The following TENM4 variants were observed in gnomAD, a reference collection of about 807,000 sequenced individuals.
The protein encoded by TENM4 is teneurin transmembrane protein 4.
A neutral mutation model predicts 243.3 loss-of-function variants in TENM4; 82 were observed. The ratio of observed to expected loss-of-function variants is 0.34; its 90% CI spans 0.28 to 0.40. The LOEUF (loss-of-function observed/expected upper bound fraction) is 0.40, where lower values mean the gene tolerates loss of function less well. Ranked by LOEUF, TENM4 falls within the 10% of genes least tolerant of loss-of-function variation. The probability of loss-of-function intolerance (pLI) is 1.00; values close to 1 mark genes in which losing one functional copy is unlikely to be tolerated. For missense variants in TENM4, 3,138 were observed against 3,673.3 expected, an observed-to-expected ratio of 0.85 and a Z score of 3.77; for synonymous variants, 1,412 against 1,456.3, an observed-to-expected ratio of 0.97 and a Z score of 0.69.
chr11:78,659,304 C>G (rs1324312895), intron 33 of TENM4, among the ~76,000 whole-genome samples: 1 of 152,164 alleles, frequency 6.6e-6, no homozygotes. Context: ...TAGGTGCTGT[C>G]ATTATTCCAA....
chr11:78,818,974 A>T (rs1401228827), intron 12 of TENM4, among the ~76,000 whole-genome samples: 3 of 152,168 alleles, frequency 2.0e-5, no homozygotes, highest in African/African-American at 7.2e-5. Context: ...AAAAAAAAAA[A>T]AAATACATGA....
intron 1 of TENM4, among the ~76,000 whole-genome samples, chr11:79,310,446 G>T (rs773693662): frequency 1.7e-4 from 26 of 152,322 alleles, no homozygotes; most frequent in Middle Eastern, 3.4e-3. Flanking sequence ...TCCAATAGGT[G>T]CCAGGCTCTA....
intron 1 of TENM4, among the ~76,000 whole-genome samples, chr11:79,355,911 G>A (rs1857489532): frequency 6.6e-6 from 1 of 152,184 alleles, no homozygotes; most frequent in South Asian, 2.1e-4. Flanking sequence ...CAAGATATTA[G>A]AAATGAAAAT....
chr11:79,005,952 T>C (rs1287458036), intron 6 of TENM4, among the ~76,000 whole-genome samples: 1 of 152,176 alleles, frequency 6.6e-6, no homozygotes, highest in Non-Finnish European at 1.5e-5. Context: ...ACACTAACAA[T>C]GCCTAAGCTG....
At chr11:78,989,323 C>T (rs1857987150) in intron 6 of TENM4, among the ~76,000 whole-genome samples, 1 of 152,152 alleles carries the variant, frequency 6.6e-6, no homozygotes, top group African/African-American at 2.4e-5. Flanking sequence ...ATTTTTGGTC[C>T]AGTCCTTCTG....
At chr11:78,792,311 C>T (rs1857073356) in intron 15 of TENM4, among the ~76,000 whole-genome samples, 1 of 152,186 alleles carries the variant, frequency 6.6e-6, no homozygotes. Context: ...CCTAGCATGG[C>T]ATCATCAGCC....
At chr11:79,258,305 T>G (rs1398356889) in intron 2 of TENM4, among the ~76,000 whole-genome samples, 1 of 152,192 alleles carries the variant, frequency 6.6e-6, no homozygotes, top group South Asian at 2.1e-4. Flanking sequence ...AGTGAATTAA[T>G]GCATCTCCAC....
chr11:78,894,275 T>C (rs1337493509), intron 7 of TENM4, among the ~76,000 whole-genome samples: 1 of 152,142 alleles, frequency 6.6e-6, no homozygotes, highest in Non-Finnish European at 1.5e-5. Context: ...GCATGCTCCC[T>C]AGAAGACCTG....
At chr11:79,012,842 C>A (rs1369489272) in intron 6 of TENM4, among the ~76,000 whole-genome samples, 2 of 152,150 alleles carry the variant, frequency 1.3e-5, no homozygotes, top group Non-Finnish European at 2.9e-5. Flanking sequence ...CCAGTGCACT[C>A]CATCTCACAG....
At chr11:78,983,639 A>G (rs1444397771) in intron 6 of TENM4, among the ~76,000 whole-genome samples, 3 of 152,236 alleles carry the variant, frequency 2.0e-5, no homozygotes, top group Non-Finnish European at 4.4e-5. Flanking sequence ...CTTGCCTGGC[A>G]TGTGCCAAGC....
intron 6 of TENM4, among the ~76,000 whole-genome samples, chr11:78,928,409 A>G (rs1477485566): frequency 6.6e-6 from 1 of 152,218 alleles, no homozygotes; most frequent in Non-Finnish European, 1.5e-5. Flanking sequence ...ACTAGTTCCT[A>G]AGGTAACAAC....
chr11:79,009,107 G>A (rs1858575193), intron 6 of TENM4, among the ~76,000 whole-genome samples: 1 of 152,154 alleles, frequency 6.6e-6, no homozygotes, highest in Non-Finnish European at 1.5e-5. Context: ...ACAAAGGGCT[G>A]TCTGCCATAT....
chr11:79,001,763 G>C (rs559113120), intron 6 of TENM4, among the ~76,000 whole-genome samples: 3 of 152,160 alleles, frequency 2.0e-5, no homozygotes, highest in South Asian at 2.1e-4. Flanking sequence ...TGGGACCCGA[G>C]TTTGGCCATG....
intron 3 of TENM4, among the ~76,000 whole-genome samples, chr11:79,181,899 T>C (rs1250571458): frequency 6.7e-6 from 1 of 149,912 alleles, no homozygotes; most frequent in Admixed American, 6.6e-5. Flanking sequence ...ACAAAATATG[T>C]ACAATATCTA....
chr11:78,855,464 T>C (rs1052800704), intron 11 of TENM4, among the ~76,000 whole-genome samples: 33 of 152,220 alleles, frequency 2.2e-4, no homozygotes, highest in African/African-American at 7.7e-4. Flanking sequence ...TAAGAAAGAC[T>C]AGGGAAGAAT....
chr11:78,919,017 A>G (rs1056573201), intron 6 of TENM4, among the ~76,000 whole-genome samples: 1 of 152,118 alleles, frequency 6.6e-6, no homozygotes, highest in African/African-American at 2.4e-5. Flanking sequence ...TCAGAGATTG[A>G]AGCTTAAATG....
intron 4 of TENM4, among the ~76,000 whole-genome samples, chr11:79,129,245 C>T (rs1861946997): frequency 6.6e-6 from 1 of 151,876 alleles, no homozygotes; most frequent in African/African-American, 2.4e-5. Flanking sequence ...CAGGCCATTC[C>T]TGCCTGGCAC....
At chr11:79,416,099 C>A (rs1858806928) in intron 1 of TENM4, among the ~76,000 whole-genome samples, 5 of 152,180 alleles carry the variant, frequency 3.3e-5, no homozygotes, top group Admixed American at 2.6e-4. Flanking sequence ...GATTAACATT[C>A]CATTTTATGG....
At chr11:79,228,552 C>T (rs906871062) in intron 2 of TENM4, among the ~76,000 whole-genome samples, 1 of 152,040 alleles carries the variant, frequency 6.6e-6, no homozygotes, top group African/African-American at 2.4e-5. Context: ...TGCCCACCCA[C>T]GCAGACACAC....
Sources: allele counts gnomAD v4.1 joint callset (sites outside exome capture counted in the v4.1 genomes callset), GRCh38; gene constraint gnomAD v4.1.1; transcripts MANE v1.5; gene names NCBI Gene and HGNC (gene_info 2026-07-23, HGNC 2026-07-21).